TENM2: variants seen among roughly 807,000 people sequenced by gnomAD.
TENM2 encodes the protein teneurin-2.
A neutral mutation model predicts 245.2 loss-of-function variants in TENM2; 52 were observed. The ratio of observed to expected loss-of-function variants is 0.21; its 90% CI spans 0.17 to 0.27. TENM2 has a LOEUF of 0.27. Ranked by LOEUF, TENM2 falls within the 10% of genes least tolerant of loss-of-function variation. TENM2 has a pLI of 1.00. For missense variants in TENM2, 3,046 were observed against 3,666.8 expected (o/e 0.83, Z 4.37); for synonymous variants, 1,363 against 1,438.9 (o/e 0.95, Z 1.19).
chr5:168,094,321 A>G (rs1793183677), intron 8 of TENM2, among the ~76,000 whole-genome samples: 1 of 152,024 alleles, frequency 6.6e-6, no homozygotes, highest in Admixed American at 6.6e-5. Context: ...GGTGGCAAAG[A>G]GCTTCCTGGA....
At chr5:167,022,583 G>A in the TENM2 span, among the ~76,000 whole-genome samples, 2 of 152,086 alleles carry the variant, frequency 1.3e-5, no homozygotes, top group Non-Finnish European at 2.9e-5. Context: ...CTTTATAAAC[G>A]TGGATTTTAG....
intron 23 of TENM2, among the ~76,000 whole-genome samples, chr5:168,225,353 A>G (rs1325445809): frequency 6.6e-6 from 1 of 152,196 alleles, no homozygotes; most frequent in Non-Finnish European, 1.5e-5. Context: ...CGAGATTTTT[A>G]TTTGATTTAG....
the TENM2 span, among the ~76,000 whole-genome samples, chr5:167,196,591 T>G: frequency 6.6e-6 from 1 of 151,252 alleles, no homozygotes; most frequent in Non-Finnish European, 1.5e-5. Context: ...TATGCTTTCT[T>G]ACACATCTTA....
intron 2 of TENM2, among the ~76,000 whole-genome samples, chr5:167,418,706 G>A (rs956071245): frequency 1.3e-5 from 2 of 152,060 alleles, no homozygotes; most frequent in Non-Finnish European, 2.9e-5. Flanking sequence ...ACAACATTTT[G>A]TTCCATAAAA....
chr5:167,048,182 T>C, the TENM2 span, among the ~76,000 whole-genome samples: 6 of 152,302 alleles, frequency 3.9e-5, no homozygotes, highest in South Asian at 1.2e-3. Context: ...TCTGTTTGGG[T>C]TAGCATTTAG....
intron 19 of TENM2, among the ~76,000 whole-genome samples, chr5:168,205,870 G>A (rs915666396): frequency 2.6e-5 from 4 of 152,152 alleles, no homozygotes; most frequent in African/African-American, 9.7e-5. Context: ...TATTGTGTAT[G>A]GAGTAGATTG....
At chr5:167,779,921 A>G (rs1297265327) in intron 2 of TENM2, among the ~76,000 whole-genome samples, 1 of 152,208 alleles carries the variant, frequency 6.6e-6, no homozygotes, top group African/African-American at 2.4e-5. Context: ...GGCCACGAAC[A>G]GTGTTGAGCC....
the TENM2 span, among the ~76,000 whole-genome samples, chr5:167,063,152 C>A: frequency 6.6e-5 from 10 of 152,000 alleles, no homozygotes; most frequent in African/African-American, 2.4e-4. Flanking sequence ...TGTCTTTTGC[C>A]CTCATGTTGG....
At chr5:167,342,816 C>T (rs1194464050) in intron 1 of TENM2, among the ~76,000 whole-genome samples, 4 of 151,352 alleles carry the variant, frequency 2.6e-5, no homozygotes, top group South Asian at 2.1e-4. Context: ...CGTGAGCCAC[C>T]GCGCCCGGCC....
In TENM2 at chr5:168,154,194, C is replaced by T. The variant is rs563977578; in HGVS notation, c.2423-8417C>T. ...GTAAGAGCTTGAAACATCAAAACAC[C>T]AAAAAGTAAGATACATCTTCCTTTC... On this transcript the variant is annotated intron_variant, in intron 12 of 28. Transcript: ENST00000518659. Among the ~76,000 whole-genome samples, 5 of 134,468 alleles carry T rather than the reference C, an allele frequency of 3.7e-5. No homozygotes were observed. In the South Asian group the frequency reaches 1.2e-3, roughly 32 times the overall value. The allele number at this position is 134,468 out of a possible 152,430, so 88.2% of individuals were successfully genotyped here.
In TENM2 at chr5:167,665,096, T is replaced by C. The variant is rs143317879; in HGVS notation, c.503-210890T>C. Among the ~76,000 whole-genome samples the C allele has an allele frequency of 2.5e-3, 387 of 152,334 alleles. 3 individuals carry two copies. The highest frequency in any genetic ancestry group is 8.9e-3 in the African/African-American group (369 of 41,588). On this transcript the variant is annotated intron_variant, in intron 2 of 28. Coordinates refer to ENST00000518659, the Ensembl canonical transcript of TENM2. The stretch of plus-strand genomic sequence containing the variant: ...TGAAGTCAAACAGCCTATGTCCAAA[T>C]ACAGGCTTTATCCCTATGTCCTAAC...
intron 2 of TENM2, among the ~76,000 whole-genome samples, chr5:167,463,518 G>A (rs2127496776): frequency 6.7e-6 from 1 of 148,446 alleles, no homozygotes; most frequent in Non-Finnish European, 1.5e-5. Flanking sequence ...TTTTTTTTGA[G>A]GCAGAGTTTC....
intron 1 of TENM2, among the ~76,000 whole-genome samples, chr5:167,337,374 A>T (rs946998277): frequency 2.6e-5 from 4 of 152,168 alleles, no homozygotes; most frequent in African/African-American, 9.7e-5. Context: ...GTAATTTGAC[A>T]TATTCACCCG....
chr5:168,167,072 A>T (rs1758367725), intron 13 of TENM2, among the ~76,000 whole-genome samples: 1 of 152,030 alleles, frequency 6.6e-6, no homozygotes, highest in Non-Finnish European at 1.5e-5. Context: ...TCTTTTTAAT[A>T]GTGAGAGATC....
At position 167,665,730 on chromosome 5, in the gene TENM2, C is replaced by T. The variant is rs566042367; in HGVS notation, c.503-210256C>T. 9.9e-5 allele frequency among the ~76,000 whole-genome samples: 15 copies of T among 152,198 alleles called. No individual in the cohort carries two copies. In the East Asian group the frequency reaches 1.7e-3, roughly 18 times the overall value. ...AAAAAACAAAACAAAAATAATGTGG[C>T]GTGTAATAGCTCTAATGTTAATAAA... On this transcript the variant is annotated intron_variant, in intron 2 of 28. Transcript: ENST00000518659.
intron 2 of TENM2, among the ~76,000 whole-genome samples, chr5:167,432,963 A>G (rs1481310983): frequency 6.6e-6 from 1 of 152,162 alleles, no homozygotes; most frequent in Admixed American, 6.6e-5. Flanking sequence ...TATTGCTTTA[A>G]TGTTTTAAGG....
chr5:168,183,166 C>T (rs778220596), intron 13 of TENM2, among the ~76,000 whole-genome samples: 3 of 152,182 alleles, frequency 2.0e-5, no homozygotes, highest in Admixed American at 2.0e-4. Flanking sequence ...CCCTCACCCC[C>T]ACTCCTGTGC....
intron 5 of TENM2, among the ~76,000 whole-genome samples, chr5:168,042,494 G>A (rs1189583074): frequency 6.6e-6 from 1 of 152,102 alleles, no homozygotes; most frequent in Non-Finnish European, 1.5e-5. Context: ...GTGGCACCCA[G>A]CAGGGCCCAC....
At chr5:167,455,862 A>G (rs961308602) in intron 2 of TENM2, among the ~76,000 whole-genome samples, 3 of 152,176 alleles carry the variant, frequency 2.0e-5, no homozygotes, top group Non-Finnish European at 4.4e-5. Flanking sequence ...TCCAACAGAC[A>G]TTTATTACAA....
Sources: gnomAD v4.1 joint callset for allele counts (sites outside exome capture counted in the v4.1 genomes callset) on GRCh38, gnomAD v4.1.1 for gene constraint, MANE v1.5 for transcripts, NCBI Gene and HGNC (gene_info 2026-07-23, HGNC 2026-07-21) for gene names.